Variants in SLC13A4 observed in about 807,000 individuals in gnomAD.
The protein encoded by SLC13A4 is Na(+)/sulfate cotransporter SUT-1.
SLC13A4 carries 28 observed loss-of-function variants against 72.7 expected under a neutral mutation model. The observed-to-expected ratio is 0.39, with a 90% confidence interval of 0.29 to 0.53. The LOEUF (loss-of-function observed/expected upper bound fraction) is 0.53. SLC13A4 is among the 20% of genes least tolerant of loss of function. The pLI, the probability that SLC13A4 is intolerant of heterozygous loss-of-function variation, is 0.78. For missense variants in SLC13A4, 653 were observed against 788.0 expected, an observed-to-expected ratio of 0.83 and a Z score of 2.05; for synonymous variants, 312 against 325.5, an observed-to-expected ratio of 0.96 and a Z score of 0.45.
chr7:135,697,078 G>T (rs73452502), intron 8 of SLC13A4, among the ~76,000 whole-genome samples: 2,107 of 152,304 alleles, frequency 0.014, 49 homozygotes, highest in African/African-American at 0.048. Flanking sequence ...GAGGCAAAAT[G>T]AATATGTGGC....
At chr7:135,700,928 C>T (rs1284067323) in intron 7 of SLC13A4, among the ~76,000 whole-genome samples, 2 of 152,176 alleles carry the variant, frequency 1.3e-5, no homozygotes, top group East Asian at 1.9e-4. Flanking sequence ...AACCACCGCA[C>T]CTGGCTGGCA....
intron 2 of SLC13A4, among the ~76,000 whole-genome samples, chr7:135,719,737 C>T (rs2129495378): frequency 6.6e-6 from 1 of 151,688 alleles, no homozygotes. Context: ...TTTGGGGATT[C>T]TCTTCTTTTT....
chr7:135,692,041 A>G, intron 11 of SLC13A4: 1 of 469,768 alleles, frequency 2.1e-6, no homozygotes, highest in East Asian at 4.1e-5. Flanking sequence ...TTGGTACTTT[A>G]TAGATGTTTC....
chr7:135,711,084 G>T (rs1348291539), intron 2 of SLC13A4, among the ~76,000 whole-genome samples: 1 of 152,140 alleles, frequency 6.6e-6, no homozygotes, highest in Non-Finnish European at 1.5e-5. Flanking sequence ...GAGGTTCAAG[G>T]GCCTTTCTCA....
rs1032339789 is a variant in SLC13A4 at position 135,727,849 on chromosome 7, C to T, written c.-353G>A. On this transcript the variant is annotated 5_prime_UTR_variant, in exon 1 of 16. Coordinates refer to ENST00000682651, the MANE Select transcript of SLC13A4 (RefSeq NM_001318192.2). ...CAGAAACCCCCTTAATCCTTTAAGC[C>T]ACACCTTTGCTGCTGCTGCTCGGCC... The T allele has an allele frequency of 4.4e-6, 1 of 228,636 alleles. No individual in the cohort carries two copies. Among genetic ancestry groups the T allele is most frequent in the Non-Finnish European group, 8.4e-6 (1 of 118,754 alleles). 14.2% of individuals were successfully genotyped at this position (228,636 alleles called of 1,614,324 possible). A position where few individuals can be genotyped will look rare whatever the true frequency, so the allele number is the denominator to read the frequency against.
At chr7:135,695,597 G>C in intron 8 of SLC13A4, 110 bp from the exon 9 acceptor site, 1 of 1,239,116 alleles carries the variant, frequency 8.1e-7, no homozygotes, top group Non-Finnish European at 1.1e-6. Context: ...TAAGTGGGGA[G>C]ATAATGATAA....
rs755316541 is a variant in SLC13A4, at chr7:135,727,404, G to A, written c.93C>T (p.Pro31=). ...LLLLPLPVLH[P]SSEASCAYVL... ...GGCGCAGGTCGGTACTCACGCTGCT[G>A]GGGTGGAGGACGGGCAGAGGCAGCA... The change falls in exon 1 of 16, where the codon CCC becomes CCT. Residue 31 remains proline, a synonymous_variant. Transcript: ENST00000682651. 2.6e-5 allele frequency: 41 copies of A among 1,549,340 alleles called. No individual in the cohort carries two copies. The highest frequency in any genetic ancestry group is 3.5e-5 in the Non-Finnish European group (40 of 1,146,898).
Position 135,684,405 on chromosome 7 carries a change from C to T in SLC13A4, c.1609-144G>A, listed in dbSNP as rs539082024. ...GGAGGGGTAGTTAGGTCTCTGCCCT[C>T]TGGGGCATGCAGTCCCTTGACAACC... On this transcript the variant is annotated intron_variant, in intron 14 of 15. Coordinates refer to ENST00000682651, the MANE Select transcript of SLC13A4 (RefSeq NM_001318192.2). The T allele has an allele frequency of 9.4e-6, 8 of 855,386 alleles. No individual in the cohort carries two copies. In the East Asian group the frequency reaches 2.3e-4, roughly 25 times the overall value. The allele number at this position is 855,386 out of a possible 1,614,324, so 53.0% of individuals were successfully genotyped here.
intron 1 of SLC13A4, among the ~76,000 whole-genome samples, chr7:135,721,939 G>A (rs897142455): frequency 6.6e-6 from 1 of 152,176 alleles, no homozygotes; most frequent in Non-Finnish European, 1.5e-5. Flanking sequence ...GGGGTAGTTG[G>A]AGATAGGAAT....
At chr7:135,701,909 G>C (rs1432527460) in intron 6 of SLC13A4, 149 bp from the exon 7 acceptor site, 8 of 659,534 alleles carry the variant, frequency 1.2e-5, no homozygotes. Context: ...TATACACCAG[G>C]GCACCTCAGC....
chr7:135,702,878 G>A lies in SLC13A4; in HGVS notation c.600C>T (p.Ser200=). Residue 200 remains serine (S), a synonymous_variant, in exon 6 of 16, where the codon TCC becomes TCT. Transcript: ENST00000682651. ...GCATCAGAGTGGTGAGGTCTGCGTT[G>A]GACCTGCTGGAACCAAGCAGAGGAC... is the stretch of plus-strand genomic sequence containing the variant. ...LELIFVNEDR[S]NADLTTLMHN... 6.2e-7 allele frequency: 1 copy of A among 1,613,468 alleles called. No individual in the cohort carries two copies. Among genetic ancestry groups the A allele is most frequent in the Non-Finnish European group, 8.5e-7 (1 of 1,179,400 alleles).
chr7:135,705,371 A>C, intron 5 of SLC13A4: 1 of 460,298 alleles, frequency 2.2e-6, no homozygotes. Context: ...CTTCCTCATC[A>C]CTGCAACACT....
At chr7:135,686,292 A>T (rs1025815558) in intron 13 of SLC13A4, among the ~76,000 whole-genome samples, 3 of 152,332 alleles carry the variant, frequency 2.0e-5, no homozygotes, top group Admixed American at 1.3e-4. Flanking sequence ...CTTAAGTGCC[A>T]TAGAGGCTGG....
At position 135,681,349 on chromosome 7, in the gene SLC13A4, G is replaced by C; in HGVS notation, c.*214C>G. ...TTCTTGAGCTGTGGTGCTGAGGGCAGGAAGAAGACACTAACAGCGAAGCAT... is the reference window on the plus strand; with the variant it reads ...TTCTTGAGCTGTGGTGCTGAGGGCACGAAGAAGACACTAACAGCGAAGCAT... On this transcript the variant is annotated 3_prime_UTR_variant, in exon 16 of 16. Transcript: ENST00000682651. The C allele has an allele frequency of 2.2e-6, 1 of 464,558 alleles. No homozygotes were observed. The highest frequency in any genetic ancestry group is 3.7e-6 in the Non-Finnish European group (1 of 267,514). The allele number at this position is 464,558 out of a possible 1,614,324, so 28.8% of individuals were successfully genotyped here.
chr7:135,705,976 G>T, intron 4 of SLC13A4, 152 bp downstream of exon 4: 1 of 673,938 alleles, frequency 1.5e-6, no homozygotes, highest in South Asian at 2.5e-5. Context: ...ATGGGAAAGA[G>T]GAGAGAGGGA....
At chr7:135,707,419 A>G (rs1004379488) in intron 3 of SLC13A4, 11 of 152,238 alleles carry the variant, frequency 7.2e-5, no homozygotes, top group African/African-American at 2.7e-4. Context: ...AATGACTCAT[A>G]CTGAGAACCA....
intron 2 of SLC13A4, among the ~76,000 whole-genome samples, chr7:135,718,728 C>T (rs1302619099): frequency 2.0e-5 from 3 of 151,962 alleles, no homozygotes; most frequent in Admixed American, 6.6e-5. Flanking sequence ...TAACCCAAGT[C>T]GCAGTAAGAG....
intron 3 of SLC13A4, chr7:135,707,868 TGCCCTTGCA>T (rs1390060508): frequency 4.7e-6 from 2 of 429,624 alleles, no homozygotes; most frequent in East Asian, 7.4e-5. Flanking sequence ...TGTAAGCTGC[TGCCCTTGCA>T]GCCTAGGTCA....
intron 2 of SLC13A4, among the ~76,000 whole-genome samples, chr7:135,716,077 A>T (rs1796428114): frequency 1.3e-5 from 2 of 152,082 alleles, no homozygotes. Flanking sequence ...CAGAACGGGA[A>T]ATTCCTTTAT....
Sources: allele counts gnomAD v4.1 joint callset (sites outside exome capture counted in the v4.1 genomes callset), GRCh38; gene constraint gnomAD v4.1.1; transcripts MANE v1.5; gene names NCBI Gene and HGNC (gene_info 2026-07-23, HGNC 2026-07-21).